Variants in BCHE observed in about 807,000 individuals in gnomAD.
The protein encoded by BCHE is cholinesterase.
In BCHE, 48 loss-of-function variants were observed where a neutral mutation model predicts 51.3. The ratio of observed to expected loss-of-function variants is 0.94; its 90% confidence interval spans 0.74 to 1.19. The LOEUF (loss-of-function observed/expected upper bound fraction) is 1.19, where lower values mean the gene tolerates loss of function less well. BCHE is among the 50% of genes most tolerant of loss of function. The pLI, the probability that BCHE is intolerant of heterozygous loss-of-function variation, is 0.00. For missense variants in BCHE, 847 were observed against 708.2 expected, an observed-to-expected ratio of 1.20 and a Z score of -2.23; for synonymous variants, 251 against 238.0, an observed-to-expected ratio of 1.05 and a Z score of -0.50.
chr3:165,775,868 A>T (rs1377464848), intron 3 of BCHE, among the ~76,000 whole-genome samples: 1 of 151,968 alleles, frequency 6.6e-6, no homozygotes, highest in Non-Finnish European at 1.5e-5. Context: ...TAAATAAAAT[A>T]TTGAGTTTGA....
chr3:165,808,314 G>T (rs549188887), intron 2 of BCHE, among the ~76,000 whole-genome samples: 15 of 151,950 alleles, frequency 9.9e-5, no homozygotes, highest in Admixed American at 3.3e-4. Context: ...TCCAGCTATT[G>T]AAAAACAGTG....
At chr3:165,777,812 T>C (rs902665944) in intron 3 of BCHE, 2 of 452,072 alleles carry the variant, frequency 4.4e-6, no homozygotes, top group Non-Finnish European at 8.9e-6. Flanking sequence ...AATGTGAAGA[T>C]GACAAGTATG....
chr3:165,816,887 C>A (rs1465528412), intron 2 of BCHE, among the ~76,000 whole-genome samples: 2 of 152,002 alleles, frequency 1.3e-5, no homozygotes, highest in Non-Finnish European at 2.9e-5. Flanking sequence ...GCTTTAAACA[C>A]CATCTTCATA....
chr3:165,774,627 C>T (rs1392208400), intron 3 of BCHE, among the ~76,000 whole-genome samples: 2 of 152,102 alleles, frequency 1.3e-5, no homozygotes, highest in East Asian at 3.9e-4. Context: ...CATGAACCAC[C>T]ATCCCTGGCC....
In BCHE at chr3:165,773,360, C is replaced by T. The variant is rs1407247169; in HGVS notation, c.*22G>A. The T allele has an allele frequency of 5.0e-6, 8 of 1,603,634 alleles. No homozygotes were observed. Among genetic ancestry groups the T allele is most frequent in the African/African-American group, 1.3e-5 (1 of 74,622 alleles). On this transcript the variant is annotated 3_prime_UTR_variant, in exon 4 of 4. Coordinates refer to ENST00000264381, the MANE Select transcript of BCHE (RefSeq NM_000055.4). ...GCCTTGATCTAAAGGAAAATATGTT[C>T]TATAAAGGGTAAATCTATTAATTAG...
chr3:165,787,874 G>A (rs558543826), intron 2 of BCHE, among the ~76,000 whole-genome samples: 1 of 151,996 alleles, frequency 6.6e-6, no homozygotes, highest in African/African-American at 2.4e-5. Flanking sequence ...TCTGAAGGTG[G>A]TATTTAGAAT....
At chr3:165,827,904 A>C (rs1576669926) in intron 2 of BCHE, 1 of 356,798 alleles carries the variant, frequency 2.8e-6, no homozygotes, top group East Asian at 8.5e-5. Context: ...TTGAAAAGGC[A>C]ATATAATATT....
intron 2 of BCHE, among the ~76,000 whole-genome samples, chr3:165,794,776 C>G (rs1283858883): frequency 6.6e-6 from 1 of 152,004 alleles, no homozygotes; most frequent in African/African-American, 2.4e-5. Context: ...GTGTGTGTGT[C>G]TGTGTGTTTG....
chr3:165,823,309 A>C (rs1197035181), intron 2 of BCHE, among the ~76,000 whole-genome samples: 1 of 152,092 alleles, frequency 6.6e-6, no homozygotes, highest in Admixed American at 6.6e-5. Context: ...TATATAACTG[A>C]ATGAGATCTA....
At chr3:165,827,267 C>T (rs73877743) in intron 2 of BCHE, among the ~76,000 whole-genome samples, 3,756 of 152,052 alleles carry the variant, frequency 0.025, 151 homozygotes, top group African/African-American at 0.087. Flanking sequence ...TTCAACTGTG[C>T]AAATATCGTC....
intron 2 of BCHE, among the ~76,000 whole-genome samples, chr3:165,811,819 A>C (rs1032329546): frequency 2.0e-5 from 3 of 152,074 alleles, no homozygotes; most frequent in Non-Finnish European, 4.4e-5. Context: ...AATAATAATC[A>C]AAACAGTAAA....
At chr3:165,824,225 T>C (rs564404273) in intron 2 of BCHE, among the ~76,000 whole-genome samples, 1 of 151,910 alleles carries the variant, frequency 6.6e-6, no homozygotes, top group East Asian at 1.9e-4. Flanking sequence ...CACTATATTA[T>C]GATAAAGTTG....
intron 2 of BCHE, among the ~76,000 whole-genome samples, chr3:165,813,864 C>T (rs1684272478): frequency 6.6e-6 from 1 of 151,772 alleles, no homozygotes; most frequent in African/African-American, 2.4e-5. Context: ...TCAGCTATCA[C>T]CTATAATTTA....
At chr3:165,798,693 A>G (rs1713521633) in intron 2 of BCHE, among the ~76,000 whole-genome samples, 1 of 152,120 alleles carries the variant, frequency 6.6e-6, no homozygotes. Context: ...TCCTAATAAA[A>G]AGCAATTTTG....
chr3:165,826,472 T>A (rs1714726255), intron 2 of BCHE, among the ~76,000 whole-genome samples: 1 of 152,088 alleles, frequency 6.6e-6, no homozygotes, highest in Non-Finnish European at 1.5e-5. Context: ...GAATCAGTGA[T>A]TGACTGGACA....
rs1712326108 is a variant in BCHE at position 165,773,294 on chromosome 3, A to C, written c.*88T>G. 1.0e-5 allele frequency: 13 copies of C among 1,292,070 alleles called. No individual in the cohort carries two copies. In the South Asian group the frequency reaches 1.7e-4, roughly 17 times the overall value. 80.0% of individuals were successfully genotyped at this position (1,292,070 alleles called of 1,614,324 possible). A position where few individuals can be genotyped will look rare whatever the true frequency, so the allele number is the denominator to read the frequency against. Reference sequence around the variant, plus strand: ...GGCATTTTTGTTTCAGCTACATAATAACTTTTTTAGTAGGTGTGTAAAAAA... The same window carrying C: ...GGCATTTTTGTTTCAGCTACATAATCACTTTTTTAGTAGGTGTGTAAAAAA... On this transcript the variant is annotated 3_prime_UTR_variant, in exon 4 of 4. Coordinates refer to ENST00000264381, the MANE Select transcript of BCHE (RefSeq NM_000055.4).
intron 2 of BCHE, among the ~76,000 whole-genome samples, chr3:165,828,694 T>C (rs1714824881): frequency 6.6e-6 from 1 of 152,030 alleles, no homozygotes; most frequent in African/African-American, 2.4e-5. Flanking sequence ...TTTACTCCCA[T>C]GTATAAAATG....
rs1434286194 is a variant in BCHE at position 165,829,593 on chromosome 3, T to G, written c.1441A>C (p.Arg481=). 1 of 1,613,854 alleles carries G rather than the reference T, an allele frequency of 6.2e-7. No homozygotes were observed. The highest frequency in any genetic ancestry group is 1.7e-5 in the Admixed American group (1 of 59,938). The change falls in exon 2 of 4, where the codon AGA becomes CGA. Residue 481 remains arginine (R), a synonymous_variant. Transcript: ENST00000264381. ...EFVFGLPLER[R]DNYTKAEEIL... Reference sequence around the variant, plus strand: ...TCCTCGGCTTTTGTGTAATTATCTCTTCTTTCCAGAGGTAAACCAAAGACA... The same window carrying G: ...TCCTCGGCTTTTGTGTAATTATCTCGTCTTTCCAGAGGTAAACCAAAGACA...
At chr3:165,812,367 AT>A (rs1714135041) in intron 2 of BCHE, among the ~76,000 whole-genome samples, 1 of 151,492 alleles carries the variant, frequency 6.6e-6, no homozygotes, top group Admixed American at 6.6e-5. Context: ...ATTTATCAAC[AT>A]TTTTACTCTA....
Sources: gnomAD v4.1 joint callset for allele counts (sites outside exome capture counted in the v4.1 genomes callset) on GRCh38, gnomAD v4.1.1 for gene constraint, MANE v1.5 for transcripts, NCBI Gene and HGNC (gene_info 2026-07-23, HGNC 2026-07-21) for gene names.